The following ROBO2 variants were observed in gnomAD, a reference collection of about 807,000 sequenced individuals.
The protein encoded by ROBO2 is roundabout guidance receptor 2.
Under a neutral mutation model 160.8 loss-of-function variants are expected in ROBO2, and 53 were observed. That is an observed-to-expected ratio of 0.33 (90% CI 0.26 to 0.41). The LOEUF (loss-of-function observed/expected upper bound fraction) is 0.41, where lower values mean the gene tolerates loss of function less well. Among genes scored for constraint, ROBO2 ranks in the 10% least tolerant of loss-of-function variants. The pLI is 1.00. For synonymous variants in ROBO2, 664 were observed against 611.7 expected (o/e 1.09, Z -1.26); for missense variants, 1,577 against 1,722.4 (o/e 0.92, Z 1.49).
At chr3:76,091,641 C>T (rs2069240846) in intron 2 of ROBO2, among the ~76,000 whole-genome samples, 1 of 152,184 alleles carries the variant, frequency 6.6e-6, no homozygotes, top group South Asian at 2.1e-4. Context: ...TTTATGGCAG[C>T]TTCATTCATA....
chr3:76,348,675 T>TA, intron 2 of ROBO2, among the ~76,000 whole-genome samples: 1 of 152,140 alleles, frequency 6.6e-6, no homozygotes, highest in South Asian at 2.1e-4. Flanking sequence ...GTACAACCAA[T>TA]TATGTGCTAT....
chr3:77,467,355 G>C (rs2082868321), intron 2 of ROBO2, among the ~76,000 whole-genome samples: 1 of 152,152 alleles, frequency 6.6e-6, no homozygotes, highest in Admixed American at 6.5e-5. Flanking sequence ...GGAATGCAGA[G>C]AGTTAGAGAA....
At chr3:77,365,659 G>C (rs962430609) in intron 2 of ROBO2, among the ~76,000 whole-genome samples, 1 of 152,112 alleles carries the variant, frequency 6.6e-6, no homozygotes, top group African/African-American at 2.4e-5. Flanking sequence ...GGTGTAGAAA[G>C]GTATTTCAGA....
chr3:77,524,485 A>T (rs1480972816), intron 6 of ROBO2, among the ~76,000 whole-genome samples: 1 of 151,368 alleles, frequency 6.6e-6, no homozygotes, highest in Admixed American at 6.6e-5. Context: ...GTAAATGGAA[A>T]ATAATAATAA....
intron 2 of ROBO2, among the ~76,000 whole-genome samples, chr3:77,332,637 C>T (rs993567076): frequency 6.6e-6 from 1 of 152,024 alleles, no homozygotes; most frequent in African/African-American, 2.4e-5. Flanking sequence ...CTGTTATGTA[C>T]ATAATGTATA....
At chr3:75,952,594 TG>T (rs1948586652) in intron 2 of ROBO2, among the ~76,000 whole-genome samples, 1 of 151,992 alleles carries the variant, frequency 6.6e-6, no homozygotes, top group African/African-American at 2.4e-5. Context: ...TGCGATAGTG[TG>T]GTACATTTGT....
chr3:76,561,749 T>C (rs561803146), intron 2 of ROBO2, among the ~76,000 whole-genome samples: 7 of 152,288 alleles, frequency 4.6e-5, no homozygotes, highest in African/African-American at 1.7e-4. Flanking sequence ...GCCTACTCTT[T>C]AACTGTTATT....
At chr3:76,242,051 GA>G (rs1705319741) in intron 2 of ROBO2, among the ~76,000 whole-genome samples, 1 of 152,196 alleles carries the variant, frequency 6.6e-6, no homozygotes, top group South Asian at 2.1e-4. Context: ...CATAGTCACT[GA>G]AATGTAATTT....
intron 2 of ROBO2, among the ~76,000 whole-genome samples, chr3:76,994,090 G>GTT (rs796087841): frequency 2.0e-5 from 2 of 98,976 alleles, no homozygotes. Context: ...TGCTTTTTTT[G>GTT]TTTTTTTTTT....
intron 2 of ROBO2, among the ~76,000 whole-genome samples, chr3:77,145,419 G>A (rs570290557): frequency 5.3e-5 from 8 of 152,272 alleles, no homozygotes; most frequent in African/African-American, 1.9e-4. Context: ...TGAAGGAACC[G>A]CTGTATTTTA....
intron 2 of ROBO2, among the ~76,000 whole-genome samples, chr3:76,937,868 T>C (rs542270782): frequency 3.3e-5 from 5 of 152,320 alleles, no homozygotes; most frequent in South Asian, 2.1e-4. Flanking sequence ...AGTGTTACCG[T>C]ACCCTCTACC....
intron 2 of ROBO2, among the ~76,000 whole-genome samples, chr3:76,509,603 G>A (rs1675767672): frequency 6.6e-6 from 1 of 152,152 alleles, no homozygotes; most frequent in Non-Finnish European, 1.5e-5. Context: ...TGGAACAAGA[G>A]ACATTCGGCC....
intron 12 of ROBO2, among the ~76,000 whole-genome samples, chr3:77,566,600 G>A (rs537890789): frequency 2.9e-4 from 44 of 152,142 alleles, no homozygotes; most frequent in African/African-American, 1.0e-3. Context: ...AAGATATTTG[G>A]TGTGATTGTA....
intron 8 of ROBO2, among the ~76,000 whole-genome samples, chr3:77,555,132 G>A (rs2153656582): frequency 6.6e-6 from 1 of 151,998 alleles, no homozygotes; most frequent in East Asian, 1.9e-4. Flanking sequence ...ATGATCATTA[G>A]CATTTTTTAG....
At chr3:77,538,627 G>T (rs1273917033) in intron 6 of ROBO2, among the ~76,000 whole-genome samples, 1 of 152,038 alleles carries the variant, frequency 6.6e-6, no homozygotes, top group Non-Finnish European at 1.5e-5. Flanking sequence ...GTGTTAATAA[G>T]CTTCAAATCC....
At chr3:77,362,258 G>A (rs1484051022) in intron 2 of ROBO2, among the ~76,000 whole-genome samples, 1 of 152,108 alleles carries the variant, frequency 6.6e-6, no homozygotes, top group Non-Finnish European at 1.5e-5. Flanking sequence ...TTTGCAATGG[G>A]GGAGAGAAAT....
intron 1 of ROBO2, among the ~76,000 whole-genome samples, chr3:77,064,398 T>C (rs1251816882): frequency 6.6e-6 from 1 of 150,384 alleles, no homozygotes. Context: ...TCTCACTGTG[T>C]TACCCAGGCT....
At chr3:75,939,212 C>T in intron 2 of ROBO2, among the ~76,000 whole-genome samples, 1 of 152,120 alleles carries the variant, frequency 6.6e-6, no homozygotes, top group East Asian at 1.9e-4. Context: ...AGCATCACAA[C>T]TGTTTCTCTG....
intron 2 of ROBO2, among the ~76,000 whole-genome samples, chr3:77,144,952 A>G (rs1238598157): frequency 5.9e-5 from 9 of 152,138 alleles, no homozygotes; most frequent in Non-Finnish European, 1.5e-5. Flanking sequence ...GTCTTATTTT[A>G]ATCTCTCTAA....
Sources: gnomAD v4.1 joint callset for allele counts (sites outside exome capture counted in the v4.1 genomes callset) on GRCh38, gnomAD v4.1.1 for gene constraint, MANE v1.5 for transcripts, NCBI Gene and HGNC (gene_info 2026-07-23, HGNC 2026-07-21) for gene names.